PIP4K2A: variants seen among roughly 807,000 people sequenced by gnomAD.
PIP4K2A encodes phosphatidylinositol 5-phosphate 4-kinase type-2 alpha.
In PIP4K2A, 14 loss-of-function variants were observed where a neutral mutation model predicts 42.9. That is an observed-to-expected ratio of 0.33 (90% confidence interval 0.22 to 0.51). The LOEUF is 0.51. Ranked by LOEUF, PIP4K2A falls within the 20% of genes least tolerant of loss-of-function variation. The pLI is 0.97. For synonymous variants in PIP4K2A, 192 were observed against 192.2 expected (o/e 1.00, Z 0.01); for missense variants, 434 against 519.8 (o/e 0.83, Z 1.61).
At chr10:22,645,171 C>A (rs1313094531) in intron 1 of PIP4K2A, among the ~76,000 whole-genome samples, 3 of 152,098 alleles carry the variant, frequency 2.0e-5, no homozygotes, top group Non-Finnish European at 2.9e-5. Flanking sequence ...TTTGAAAACG[C>A]AATTTTTTTA....
intron 5 of PIP4K2A, among the ~76,000 whole-genome samples, chr10:22,570,778 T>A (rs1019582802): frequency 2.6e-4 from 40 of 152,276 alleles, no homozygotes; most frequent in African/African-American, 9.1e-4. Context: ...TGGGAAGAAC[T>A]GCTAGCAGTT....
intron 6 of PIP4K2A, among the ~76,000 whole-genome samples, chr10:22,554,220 A>C (rs1836479334): frequency 6.6e-6 from 1 of 152,244 alleles, no homozygotes; most frequent in Admixed American, 6.5e-5. Flanking sequence ...CTTACTACTT[A>C]GCTTTTTAAA....
intron 1 of PIP4K2A, among the ~76,000 whole-genome samples, chr10:22,692,432 T>C (rs1391905339): frequency 6.6e-6 from 1 of 152,020 alleles, no homozygotes; most frequent in Non-Finnish European, 1.5e-5. Context: ...GGTCCATCTG[T>C]GGAGTAGGGG....
intron 1 of PIP4K2A, among the ~76,000 whole-genome samples, chr10:22,707,471 G>A (rs1309519858): frequency 6.6e-6 from 1 of 152,140 alleles, no homozygotes; most frequent in Admixed American, 6.5e-5. Context: ...TACATGCTCT[G>A]AACATTAACA....
intron 1 of PIP4K2A, among the ~76,000 whole-genome samples, chr10:22,668,102 C>G (rs995020706): frequency 3.3e-5 from 5 of 152,230 alleles, no homozygotes; most frequent in Admixed American, 1.3e-4. Flanking sequence ...TAGGCGCGTG[C>G]TACCAATCCC....
At position 22,625,341 on chromosome 10, in the gene PIP4K2A, G is replaced by C. The variant is rs182276936; in HGVS notation, c.145-15624C>G. ...AACGGAGAGCAAAAGATTTTCTGTA[G>C]TGTTAAAATTACTGAAAATACTTAA... On this transcript the variant is annotated intron_variant, in intron 1 of 9. Coordinates refer to ENST00000376573, the MANE Select transcript of PIP4K2A (RefSeq NM_005028.5). Among the ~76,000 whole-genome samples the C allele has an allele frequency of 2.6e-3, 396 of 152,298 alleles. 4 individuals carry two copies. The highest frequency in any genetic ancestry group is 9.2e-3 in the African/African-American group (383 of 41,554).
At chr10:22,591,120 C>T (rs761019325) in intron 4 of PIP4K2A, among the ~76,000 whole-genome samples, 10 of 152,144 alleles carry the variant, frequency 6.6e-5, no homozygotes, top group African/African-American at 9.7e-5. Context: ...GAATTATGCT[C>T]GGGGATGAAA....
intron 1 of PIP4K2A, among the ~76,000 whole-genome samples, chr10:22,649,242 G>C (rs570719528): frequency 1.8e-4 from 27 of 152,298 alleles, no homozygotes; most frequent in Middle Eastern, 3.4e-3. Flanking sequence ...AATTTAACAT[G>C]TTCCTGTATT....
At chr10:22,546,358 G>A (rs1381803705) in intron 7 of PIP4K2A, among the ~76,000 whole-genome samples, 1 of 152,066 alleles carries the variant, frequency 6.6e-6, no homozygotes, top group Non-Finnish European at 1.5e-5. Context: ...TTGTAGACCG[G>A]GGGAAAAAGA....
intron 1 of PIP4K2A, among the ~76,000 whole-genome samples, chr10:22,625,104 T>C (rs974401752): frequency 2.0e-5 from 3 of 152,206 alleles, no homozygotes; most frequent in Non-Finnish European, 4.4e-5. Flanking sequence ...AGCATAATAA[T>C]TTCGTATGAT....
At chr10:22,637,730 C>T (rs1484324964) in intron 1 of PIP4K2A, among the ~76,000 whole-genome samples, 1 of 152,204 alleles carries the variant, frequency 6.6e-6, no homozygotes, top group East Asian at 1.9e-4. Flanking sequence ...GACGAAACCA[C>T]AACTCAGACA....
At chr10:22,557,442 A>T (rs1464578449) in intron 6 of PIP4K2A, among the ~76,000 whole-genome samples, 1 of 152,238 alleles carries the variant, frequency 6.6e-6, no homozygotes, top group Non-Finnish European at 1.5e-5. Context: ...GTTTACCAAA[A>T]GAGTTAAATG....
intron 1 of PIP4K2A, among the ~76,000 whole-genome samples, chr10:22,626,109 T>G (rs960393952): frequency 6.6e-6 from 1 of 152,070 alleles, no homozygotes; most frequent in African/African-American, 2.4e-5. Context: ...CATGGCCTGG[T>G]GGGAGGCTGC....
chr10:22,608,923 C>T (rs1406928737), intron 2 of PIP4K2A, among the ~76,000 whole-genome samples: 2 of 152,096 alleles, frequency 1.3e-5, no homozygotes, highest in Non-Finnish European at 1.5e-5. Flanking sequence ...ATTTGAGGTT[C>T]ACCCTAATCA....
chr10:22,585,605 C>T (rs1049038694), intron 4 of PIP4K2A, among the ~76,000 whole-genome samples: 1 of 145,626 alleles, frequency 6.9e-6, no homozygotes, highest in Non-Finnish European at 1.5e-5. Flanking sequence ...AACAGTGCCT[C>T]TCAATTTTTT....
intron 5 of PIP4K2A, among the ~76,000 whole-genome samples, chr10:22,568,404 G>A (rs764959605): frequency 2.1e-4 from 17 of 81,804 alleles, no homozygotes; most frequent in Non-Finnish European, 3.3e-4. Context: ...GTTTTCTCCC[G>A]TCTTAAGAGT....
At chr10:22,663,505 C>T (rs1839248278) in intron 1 of PIP4K2A, among the ~76,000 whole-genome samples, 1 of 152,004 alleles carries the variant, frequency 6.6e-6, no homozygotes, top group Non-Finnish European at 1.5e-5. Context: ...GCAGAAAGAA[C>T]AAATTATATA....
intron 1 of PIP4K2A, among the ~76,000 whole-genome samples, chr10:22,679,704 C>T (rs1467272404): frequency 6.6e-6 from 1 of 152,122 alleles, no homozygotes; most frequent in East Asian, 1.9e-4. Context: ...TCTATCCACA[C>T]AATAGAATAT....
At chr10:22,595,993 G>A (rs1837625183) in intron 3 of PIP4K2A, among the ~76,000 whole-genome samples, 1 of 151,914 alleles carries the variant, frequency 6.6e-6, no homozygotes, top group East Asian at 1.9e-4. Context: ...ATCACCTGAG[G>A]CTGGGAGTTC....
Sources: gnomAD v4.1 joint callset for allele counts (sites outside exome capture counted in the v4.1 genomes callset) on GRCh38, gnomAD v4.1.1 for gene constraint, MANE v1.5 for transcripts, NCBI Gene and HGNC (gene_info 2026-07-23, HGNC 2026-07-21) for gene names.